The following RORA variants were observed in gnomAD, a reference collection of about 807,000 sequenced individuals.
RORA encodes RAR related orphan receptor A.
Under a neutral mutation model 69.5 loss-of-function variants are expected in RORA, and 7 were observed. The ratio of observed to expected loss-of-function variants is 0.10; its 90% CI spans 0.06 to 0.19. RORA has a LOEUF of 0.19. RORA is among the 10% of genes least tolerant of loss of function. The pLI is 1.00. For missense variants in RORA, 457 were observed against 663.0 expected (o/e 0.69, Z 3.41); for synonymous variants, 261 against 240.8 (o/e 1.08, Z -0.78).
chr15:60,540,570 C>G (rs984679128), intron 2 of RORA, among the ~76,000 whole-genome samples: 5 of 63,158 alleles, frequency 7.9e-5, no homozygotes, highest in African/African-American at 1.1e-4. Flanking sequence ...CATGACCCCC[C>G]CCCCCCAAAA....
intron 1 of RORA, among the ~76,000 whole-genome samples, chr15:60,830,966 T>C (rs2073034817): frequency 6.6e-6 from 1 of 152,220 alleles, no homozygotes; most frequent in South Asian, 2.1e-4. Flanking sequence ...TGTATGTGTG[T>C]GGATCCATCA....
At chr15:60,678,568 A>G in intron 2 of RORA, 89 bp downstream of exon 2, 2 of 952,902 alleles carry the variant, frequency 2.1e-6, no homozygotes, top group Admixed American at 1.8e-5. Flanking sequence ...CTGAAACATT[A>G]GTATATACTT....
intron 1 of RORA, among the ~76,000 whole-genome samples, chr15:61,051,709 G>GT (rs1464217486): frequency 6.6e-6 from 1 of 152,168 alleles, no homozygotes; most frequent in African/African-American, 2.4e-5. Flanking sequence ...GAAAGGACTG[G>GT]TATTTGCTAT....
chr15:60,497,614 T>C lies in RORA; in HGVS notation c.1413A>G (p.Ile471Met), dbSNP rs2065200942. Reference protein sequence around the residue: ...HREDGILTKLICKVSTLRALC... With the variant: ...HREDGILTKLMCKVSTLRALC... ...AGGCTCTTAAGGTAGACACCTTGCA[T>C]ATTAACTGTAAGTGAAAGAAAGGAC... The change falls in exon 11 of 11, where the codon ATA (isoleucine) becomes ATG (methionine). Residue 471 changes from isoleucine (I) to methionine (M), a missense_variant. Physicochemically the swap from Ile to Met is conservative, Grantham distance 10. Transcript: ENST00000335670. 2 of 1,610,130 alleles carry C rather than the reference T, an allele frequency of 1.2e-6. No homozygotes were observed. The highest frequency in any genetic ancestry group is 2.2e-5 in the East Asian group (1 of 44,870).
chr15:60,591,910 G>A (rs1174119582), intron 2 of RORA, among the ~76,000 whole-genome samples: 1 of 151,934 alleles, frequency 6.6e-6, no homozygotes, highest in Non-Finnish European at 1.5e-5. Context: ...CCAGTCCCCG[G>A]GGATGACATC....
At chr15:61,228,861 C>T (rs1468622727) in intron 1 of RORA, among the ~76,000 whole-genome samples, 192 bp downstream of exon 1, 1 of 151,358 alleles carries the variant, frequency 6.6e-6, no homozygotes, top group African/African-American at 2.4e-5. Context: ...AAGCCGAGAA[C>T]GGGCTGCAAA....
At chr15:61,153,316 G>A (rs1298723001) in intron 1 of RORA, among the ~76,000 whole-genome samples, 5 of 152,280 alleles carry the variant, frequency 3.3e-5, no homozygotes, top group South Asian at 2.1e-4. Flanking sequence ...ATACCTAAGT[G>A]GGGTGGGATG....
intron 1 of RORA, among the ~76,000 whole-genome samples, chr15:61,153,423 C>T (rs1376614595): frequency 6.6e-6 from 1 of 152,160 alleles, no homozygotes; most frequent in East Asian, 1.9e-4. Context: ...GTGTGAATGG[C>T]ACAGGCTGGA....
chr15:60,490,253 A>G lies in RORA; in HGVS notation c.*7202T>C, dbSNP rs1226892735. 6.6e-6 allele frequency: 1 copy of G among 151,884 alleles called. No individual in the cohort carries two copies. Among genetic ancestry groups the G allele is most frequent in the East Asian group, 1.9e-4 (1 of 5,192 alleles). 9.4% of individuals were successfully genotyped at this position (151,884 alleles called of 1,614,324 possible). ...GTATTGTCTAGGAATAAAAGGGATA[A>G]TTTTTGTTGTTCACAAAAGTAACTT... On this transcript the variant is annotated 3_prime_UTR_variant, in exon 11 of 11. Transcript: ENST00000335670. The surrounding 1 kb of genome is among the most constrained non-coding windows in gnomAD (Gnocchi z 4.1).
rs2068765792 is a variant in RORA, at chr15:60,599,457, A to C, written c.197-67606T>G. ...TCTCAGCTACTTGGGAGGCTGAGGCAGGAGAATCACTTGAATCCGGGAGGC... is the reference window on the plus strand; with the variant it reads ...TCTCAGCTACTTGGGAGGCTGAGGCCGGAGAATCACTTGAATCCGGGAGGC... On this transcript the variant is annotated intron_variant, in intron 2 of 10. Coordinates refer to ENST00000335670, the MANE Select transcript of RORA (RefSeq NM_134261.3). Among the ~76,000 whole-genome samples, 8 of 152,220 alleles carry C rather than the reference A, an allele frequency of 5.3e-5. 1 individual carries two copies. The South Asian group carries it at 1.7e-3, about 32-fold the overall frequency.
intron 1 of RORA, among the ~76,000 whole-genome samples, chr15:61,005,085 T>A (rs1449133694): frequency 6.6e-6 from 1 of 152,212 alleles, no homozygotes; most frequent in African/African-American, 2.4e-5. Flanking sequence ...AGGATGTTCA[T>A]CACAGCATTG....
chr15:60,618,690 A>G (rs1567127323), intron 2 of RORA, among the ~76,000 whole-genome samples: 1 of 152,228 alleles, frequency 6.6e-6, no homozygotes, highest in Non-Finnish European at 1.5e-5. Context: ...TCATTTCAGG[A>G]TAGGAGAAAG....
At chr15:60,661,550 C>A (rs2070304425) in intron 2 of RORA, among the ~76,000 whole-genome samples, 1 of 152,138 alleles carries the variant, frequency 6.6e-6, no homozygotes, top group Non-Finnish European at 1.5e-5. Context: ...GCTGTTGGAA[C>A]CATGGAAACT....
At chr15:61,112,903 G>C (rs185697494) in intron 1 of RORA, among the ~76,000 whole-genome samples, 1 of 152,234 alleles carries the variant, frequency 6.6e-6, no homozygotes, top group Non-Finnish European at 1.5e-5. Flanking sequence ...TTGCCTTACT[G>C]GGCCTGAGTC....
intron 1 of RORA, among the ~76,000 whole-genome samples, chr15:61,224,262 G>A (rs2080125713): frequency 6.6e-6 from 1 of 152,196 alleles, no homozygotes; most frequent in African/African-American, 2.4e-5. Flanking sequence ...CCTGTATATT[G>A]GCTCATGGGA....
chr15:60,976,295 T>C (rs1319504955), intron 1 of RORA, among the ~76,000 whole-genome samples: 1 of 152,200 alleles, frequency 6.6e-6, no homozygotes. Flanking sequence ...ACCCAACAGT[T>C]CTGCAAGTCT....
intron 1 of RORA, among the ~76,000 whole-genome samples, chr15:61,187,456 C>CA (rs1198646687): frequency 3.9e-5 from 6 of 152,006 alleles, no homozygotes; most frequent in Admixed American, 1.3e-4. Flanking sequence ...GAAGAGCCTC[C>CA]AGGGGGAGGA....
intron 1 of RORA, among the ~76,000 whole-genome samples, chr15:60,732,145 T>G (rs555670644): frequency 1.3e-5 from 2 of 152,340 alleles, no homozygotes; most frequent in South Asian, 4.1e-4. Flanking sequence ...AATGTCTTGT[T>G]TGGATAGGGC....
chr15:61,151,768 G>GAA (rs1305516643), intron 1 of RORA, among the ~76,000 whole-genome samples: 1 of 152,184 alleles, frequency 6.6e-6, no homozygotes, highest in African/African-American at 2.4e-5. Flanking sequence ...TATCAAGCAT[G>GAA]TACTTTAAAT....
Sources: gnomAD v4.1 joint callset for allele counts (sites outside exome capture counted in the v4.1 genomes callset) on GRCh38, gnomAD v4.1.1 for gene constraint, Gnocchi (gnomAD v3.1) non-coding constraint, MANE v1.5 for transcripts, NCBI Gene and HGNC (gene_info 2026-07-23, HGNC 2026-07-21) for gene names.